Variants in MAGI2 observed in about 807,000 individuals in gnomAD.
MAGI2 encodes the protein membrane-associated guanylate kinase, WW and PDZ domain-containing protein 2.
Under a neutral mutation model 133.3 loss-of-function variants are expected in MAGI2, and 35 were observed. That is an observed-to-expected ratio of 0.26 (90% CI 0.20 to 0.35). The LOEUF is 0.35. Among genes scored for constraint, MAGI2 ranks in the 10% least tolerant of loss-of-function variants. The probability of loss-of-function intolerance (pLI) is 1.00; values close to 1 mark genes in which losing one functional copy is unlikely to be tolerated. For missense variants in MAGI2, 1,636 were observed against 1,863.4 expected, an observed-to-expected ratio of 0.88 and a Z score of 2.25; for synonymous variants, 729 against 710.6, an observed-to-expected ratio of 1.03 and a Z score of -0.41.
At chr7:78,367,432 C>T (rs866955769) in intron 7 of MAGI2, among the ~76,000 whole-genome samples, 4 of 152,210 alleles carry the variant, frequency 2.6e-5, no homozygotes, top group East Asian at 1.9e-4. Context: ...CAGCAAACTA[C>T]GACCTGCAGG....
At chr7:79,334,571 C>T (rs927341314) in intron 1 of MAGI2, among the ~76,000 whole-genome samples, 1 of 152,086 alleles carries the variant, frequency 6.6e-6, no homozygotes, top group African/African-American at 2.4e-5. Flanking sequence ...TGATCCTCTA[C>T]TTAAACCATA....
At chr7:78,992,740 A>T (rs1167139493) in intron 2 of MAGI2, among the ~76,000 whole-genome samples, 2 of 151,944 alleles carry the variant, frequency 1.3e-5, no homozygotes, top group African/African-American at 2.4e-5. Flanking sequence ...CTACCTAAAG[A>T]CTCATATCAT....
chr7:78,618,975 G>A (rs1193096115), intron 3 of MAGI2: 2 of 113,172 alleles, frequency 1.8e-5, no homozygotes, highest in African/African-American at 3.4e-5. Flanking sequence ...GGTGACTATA[G>A]TCATCATGGA....
intron 6 of MAGI2, among the ~76,000 whole-genome samples, chr7:78,386,002 C>G (rs973491167): frequency 4.6e-5 from 7 of 152,006 alleles, no homozygotes; most frequent in East Asian, 1.9e-4. Flanking sequence ...AACTTCCCCC[C>G]CTAGCTCAAA....
intron 2 of MAGI2, among the ~76,000 whole-genome samples, chr7:78,762,896 A>G (rs1354671582): frequency 6.6e-6 from 1 of 152,244 alleles, no homozygotes; most frequent in Non-Finnish European, 1.5e-5. Context: ...ACCCATGGGC[A>G]TAAAAGAACA....
chr7:78,032,551 A>G (rs1473504227), intron 21 of MAGI2, among the ~76,000 whole-genome samples: 1 of 152,176 alleles, frequency 6.6e-6, no homozygotes, highest in East Asian at 1.9e-4. Flanking sequence ...TTTGTGTTGT[A>G]CAGGTCTATG....
chr7:79,435,378 A>G (rs1287003001), intron 1 of MAGI2, among the ~76,000 whole-genome samples: 3 of 152,238 alleles, frequency 2.0e-5, no homozygotes, highest in Non-Finnish European at 4.4e-5. Context: ...TTTAAATGAC[A>G]TGTTTGAAAA....
At chr7:79,214,848 T>TA (rs1302978937) in intron 1 of MAGI2, among the ~76,000 whole-genome samples, 1 of 144,514 alleles carries the variant, frequency 6.9e-6, no homozygotes, top group African/African-American at 2.5e-5. Flanking sequence ...ATAAAATTTA[T>TA]AAATTTATAA....
intron 2 of MAGI2, among the ~76,000 whole-genome samples, chr7:78,760,804 G>A (rs761007396): frequency 6.6e-6 from 1 of 152,168 alleles, no homozygotes; most frequent in Non-Finnish European, 1.5e-5. Context: ...CTGGCAGGAA[G>A]TCAAACAAAC....
chr7:78,055,948 T>C (rs183169435), intron 21 of MAGI2, among the ~76,000 whole-genome samples: 63 of 152,286 alleles, frequency 4.1e-4, no homozygotes, highest in African/African-American at 1.5e-3. Flanking sequence ...TTTTTAATTA[T>C]TGTGGTAAAA....
intron 10 of MAGI2, among the ~76,000 whole-genome samples, chr7:78,211,245 C>T (rs2150802640): frequency 7.3e-6 from 1 of 137,616 alleles, no homozygotes; most frequent in Middle Eastern, 3.6e-3. Flanking sequence ...CAGGATCTGC[C>T]CCATGGGGAG....
intron 2 of MAGI2, among the ~76,000 whole-genome samples, chr7:78,722,849 G>A (rs560795665): frequency 6.6e-6 from 1 of 152,128 alleles, no homozygotes; most frequent in African/African-American, 2.4e-5. Flanking sequence ...ATGTTTTATA[G>A]GATTGACCAG....
chr7:78,311,432 A>C (rs1278167906), intron 9 of MAGI2, among the ~76,000 whole-genome samples: 1 of 152,244 alleles, frequency 6.6e-6, no homozygotes, highest in Non-Finnish European at 1.5e-5. Context: ...TGACGAGACA[A>C]GAGTCTGGGT....
In MAGI2 at chr7:78,107,783, T is replaced by C. The variant is rs141992739; in HGVS notation, c.3567+17911A>G. Among the ~76,000 whole-genome samples the C allele has an allele frequency of 9.9e-5, 15 of 151,744 alleles. No homozygotes were observed. In the East Asian group the frequency reaches 2.9e-3, roughly 29 times the overall value. On this transcript the variant is annotated intron_variant, in intron 20 of 21. Coordinates refer to ENST00000354212, the MANE Select transcript of MAGI2 (RefSeq NM_012301.4). ...CTTGGTTTTCCAGTTTATTAGTATA[T>C]AGCTATTCATAGTAATCTCTAATAA...
chr7:78,210,764 G>C (rs1432904979), intron 10 of MAGI2, among the ~76,000 whole-genome samples: 1 of 152,154 alleles, frequency 6.6e-6, no homozygotes, highest in African/African-American at 2.4e-5. Context: ...AGAGATCCAA[G>C]TAGAAAGAAA....
intron 1 of MAGI2, among the ~76,000 whole-genome samples, chr7:79,438,126 ACT>A (rs1426477940): frequency 1.3e-5 from 2 of 151,986 alleles, no homozygotes; most frequent in Non-Finnish European, 2.9e-5. Context: ...ATACATCTGA[ACT>A]CTCTACACTG....
At chr7:78,461,253 G>A (rs905440166) in intron 6 of MAGI2, among the ~76,000 whole-genome samples, 3 of 151,938 alleles carry the variant, frequency 2.0e-5, no homozygotes, top group African/African-American at 2.4e-5. Flanking sequence ...TTAACTCTTC[G>A]AATAATTTGA....
At chr7:78,308,131 T>C (rs545644945) in intron 9 of MAGI2, among the ~76,000 whole-genome samples, 4 of 152,346 alleles carry the variant, frequency 2.6e-5, no homozygotes, top group African/African-American at 7.2e-5. Context: ...ATGGTGAAAT[T>C]CACTGTCAAT....
intron 9 of MAGI2, among the ~76,000 whole-genome samples, chr7:78,313,070 C>A (rs1267459398): frequency 1.3e-5 from 2 of 151,890 alleles, no homozygotes; most frequent in South Asian, 2.1e-4. Flanking sequence ...ATGGATGGAA[C>A]TGGAGGTCCT....
Sources: gnomAD v4.1 joint callset for allele counts (sites outside exome capture counted in the v4.1 genomes callset) on GRCh38, gnomAD v4.1.1 for gene constraint, MANE v1.5 for transcripts, NCBI Gene and HGNC (gene_info 2026-07-23, HGNC 2026-07-21) for gene names.